NPTN: variants seen among roughly 807,000 people sequenced by gnomAD.
NPTN encodes the protein SDR-1.
NPTN carries 5 observed loss-of-function variants against 42.7 expected under a neutral mutation model. That is an observed-to-expected ratio of 0.12 (90% CI 0.06 to 0.25). NPTN has a LOEUF of 0.25. Among genes scored for constraint, NPTN ranks in the 10% least tolerant of loss-of-function variants. NPTN has a pLI of 1.00. For synonymous variants in NPTN, 180 were observed against 201.9 expected (o/e 0.89, Z 0.92); for missense variants, 307 against 525.4 (o/e 0.58, Z 4.06).
intron 4 of NPTN, among the ~76,000 whole-genome samples, chr15:73,577,352 A>C (rs1449886127): frequency 3.7e-4 from 57 of 152,182 alleles, no homozygotes; most frequent in Admixed American, 3.7e-3. Context: ...CAGAGCCTAC[A>C]CCTTAAGATT....
intron 5 of NPTN, among the ~76,000 whole-genome samples, chr15:73,572,912 C>A (rs1377255106): frequency 2.0e-5 from 3 of 151,920 alleles, no homozygotes; most frequent in Non-Finnish European, 2.9e-5. Flanking sequence ...GGCGGATATC[C>A]CCTTTGCTGT....
At chr15:73,598,112 A>G (rs141637495) in intron 1 of NPTN, among the ~76,000 whole-genome samples, 21 of 152,288 alleles carry the variant, frequency 1.4e-4, no homozygotes, top group Admixed American at 1.4e-3. Context: ...CCACAGTGAG[A>G]TATTAATACT....
intron 4 of NPTN, among the ~76,000 whole-genome samples, chr15:73,581,842 T>C (rs975754213): frequency 2.0e-5 from 3 of 152,112 alleles, no homozygotes; most frequent in African/African-American, 2.4e-5. Flanking sequence ...TGCTCTTTTT[T>C]TTTTTCTTTT....
At chr15:73,590,274 G>C (rs555978675) in intron 3 of NPTN, among the ~76,000 whole-genome samples, 2 of 152,032 alleles carry the variant, frequency 1.3e-5, no homozygotes, top group African/African-American at 4.8e-5. Context: ...ACGAAATGTA[G>C]AATCCCTGAA....
At chr15:73,567,908 C>G (rs1334595728) in intron 6 of NPTN, 5 of 985,410 alleles carry the variant, frequency 5.1e-6, no homozygotes, top group Non-Finnish European at 6.0e-6. Context: ...AATACTCTCC[C>G]AAGAGACTAG....
At chr15:73,590,607 C>CAA (rs1246356308) in intron 3 of NPTN, among the ~76,000 whole-genome samples, 148 of 94,992 alleles carry the variant, frequency 1.6e-3, no homozygotes, top group South Asian at 2.6e-3. Flanking sequence ...ACAAAAAATA[C>CAA]AAAAAAAAAA....
intron 6 of NPTN, among the ~76,000 whole-genome samples, chr15:73,564,040 A>G (rs1894841608): frequency 1.3e-5 from 2 of 152,352 alleles, no homozygotes; most frequent in South Asian, 4.1e-4. Context: ...AGCTGACATT[A>G]TATGAGTTTA....
At chr15:73,564,232 G>A (rs1025774342) in intron 6 of NPTN, among the ~76,000 whole-genome samples, 2 of 152,158 alleles carry the variant, frequency 1.3e-5, no homozygotes, top group African/African-American at 2.4e-5. Flanking sequence ...CAAAAGTCAG[G>A]TAAACTAAAT....
chr15:73,585,605 C>T (rs1896279101), intron 4 of NPTN, among the ~76,000 whole-genome samples: 1 of 152,150 alleles, frequency 6.6e-6, no homozygotes, highest in Non-Finnish European at 1.5e-5. Context: ...TCTTTTCTAT[C>T]CAGGTGTTGG....
At chr15:73,574,954 T>C (rs1895605928) in intron 4 of NPTN, among the ~76,000 whole-genome samples, 1 of 152,254 alleles carries the variant, frequency 6.6e-6, no homozygotes, top group South Asian at 2.1e-4. Flanking sequence ...TATTTTATCA[T>C]AACTATATTA....
In NPTN at chr15:73,633,346, C is replaced by A. The variant is rs796430575; in HGVS notation, c.-131G>T. On this transcript the variant is annotated 5_prime_UTR_variant, in exon 1 of 9. Transcript: ENST00000345330. ...GAGGGAGGCAGCCGCGGCTCGGCTCCGTCCTTCCCCGTCCTCCTCCTGCCG... is the reference window on the plus strand; with the variant it reads ...GAGGGAGGCAGCCGCGGCTCGGCTCAGTCCTTCCCCGTCCTCCTCCTGCCG... 11 of 575,760 alleles carry A rather than the reference C, an allele frequency of 1.9e-5. No homozygotes were observed. Among genetic ancestry groups the A allele is most frequent in the South Asian group, 3.5e-5 (1 of 28,546 alleles). 35.7% of individuals were successfully genotyped at this position (575,760 alleles called of 1,614,324 possible).
intron 6 of NPTN, among the ~76,000 whole-genome samples, chr15:73,563,983 G>C (rs1894837947): frequency 6.6e-6 from 1 of 152,204 alleles, no homozygotes; most frequent in East Asian, 1.9e-4. Flanking sequence ...GCCAAAACCA[G>C]AAGCCAAACC....
chr15:73,607,751 T>C (rs1238599686), intron 1 of NPTN, among the ~76,000 whole-genome samples: 1 of 152,222 alleles, frequency 6.6e-6, no homozygotes, highest in African/African-American at 2.4e-5. Flanking sequence ...AGGCAAAGCT[T>C]TCCTTAGATG....
chr15:73,619,930 C>G (rs543270096), intron 1 of NPTN, among the ~76,000 whole-genome samples: 93 of 152,294 alleles, frequency 6.1e-4, no homozygotes, highest in Non-Finnish European at 6.9e-4. Flanking sequence ...TGTATATATG[C>G]AGTCTCATTC....
At chr15:73,616,541 C>T (rs1421866178) in intron 1 of NPTN, among the ~76,000 whole-genome samples, 1 of 152,158 alleles carries the variant, frequency 6.6e-6, no homozygotes, top group Non-Finnish European at 1.5e-5. Context: ...AATGCTCTAT[C>T]CACTAAAACC....
intron 4 of NPTN, among the ~76,000 whole-genome samples, chr15:73,580,469 T>TATATATATG (rs1895957428): frequency 3.0e-5 from 4 of 135,244 alleles, no homozygotes; most frequent in African/African-American, 1.2e-4. Flanking sequence ...CAAAATATAT[T>TATATATATG]TATATATACA....
At chr15:73,568,514 C>A (rs569180729) in intron 6 of NPTN, 112 of 985,360 alleles carry the variant, frequency 1.1e-4, no homozygotes, top group Non-Finnish European at 1.3e-4. Context: ...ACAGGCAACT[C>A]TTTCCCTTTA....
chr15:73,590,888 T>G (rs1262767072), intron 3 of NPTN, among the ~76,000 whole-genome samples: 2 of 151,958 alleles, frequency 1.3e-5, no homozygotes, highest in African/African-American at 4.8e-5. Context: ...GGAAAATTGC[T>G]GAGGCTAAAT....
rs1479052313 is a variant in NPTN, at chr15:73,597,147, C to T, written c.314G>A (p.Arg105Gln). ...SNGVSVLRIT[R>Q]LTLEDSGTYE... ...AGTCCCAGAGTCCTCCAAGGTGAGC[C>T]GGGTTATTCTCAGCACACTCACGCC... Residue 105 changes from arginine to glutamine, a missense_variant, in exon 2 of 9, where the codon CGG becomes CAG. By Grantham distance (43) the Arg-to-Gln change is conservative. Around this residue, in one of 2 missense-constraint regions of NPTN, gnomAD observed 264 missense variants for 491.1 expected, o/e 0.54. Coordinates refer to ENST00000345330, the MANE Select transcript of NPTN (RefSeq NM_012428.4). This position sits in a 1 kb window ranked among gnomAD's most constrained non-coding sequence, Gnocchi z 6.3. The T allele has an allele frequency of 3.1e-6, 5 of 1,614,008 alleles. No individual in the cohort carries two copies. Among genetic ancestry groups the T allele is most frequent in the Admixed American group, 1.7e-5 (1 of 60,002 alleles).
Sources: allele counts gnomAD v4.1 joint callset (sites outside exome capture counted in the v4.1 genomes callset), GRCh38; gene constraint gnomAD v4.1.1; regional missense constraint gnomAD v4.1.1; non-coding constraint Gnocchi (gnomAD v3.1); transcripts MANE v1.5; gene names NCBI Gene and HGNC (gene_info 2026-07-23, HGNC 2026-07-21).